BTF3L4: variants seen among roughly 807,000 people sequenced by gnomAD.
BTF3L4 encodes the protein basic transcription factor 3 like 4, also known as transcription factor BTF3 homolog 4.
A neutral mutation model predicts 16.8 loss-of-function variants in BTF3L4; 6 were observed. The observed-to-expected ratio is 0.36, with a 90% CI of 0.20 to 0.71. BTF3L4 has a LOEUF of 0.71. Among genes scored for constraint, BTF3L4 ranks in the 30% least tolerant of loss-of-function variants. The pLI is 0.58. For synonymous variants in BTF3L4, 39 were observed against 59.8 expected, an observed-to-expected ratio of 0.65 and a Z score of 1.60; for missense variants, 92 against 186.9, an observed-to-expected ratio of 0.49 and a Z score of 2.96.
At chr1:52,082,935 G>C (rs552247820) in intron 3 of BTF3L4, among the ~76,000 whole-genome samples, 1 of 152,014 alleles carries the variant, frequency 6.6e-6, no homozygotes, top group Non-Finnish European at 1.5e-5. Flanking sequence ...AGTCCCCTAA[G>C]TAAGATGCTA....
intron 4 of BTF3L4, 50 bp from the exon 5 acceptor site, chr1:52,086,062 C>A (rs199529812): frequency 5.4e-6 from 7 of 1,295,654 alleles, no homozygotes; most frequent in Non-Finnish European, 7.6e-6. Flanking sequence ...TATAAGTTTT[C>A]TTTAAGGTCT....
Position 52,086,664 on chromosome 1 carries a change from T to A in BTF3L4, c.431-48T>A, listed in dbSNP as rs1643975960. The A allele has an allele frequency of 3.9e-6, 5 of 1,278,512 alleles. No homozygotes were observed. The Admixed American group carries it at 1.1e-4, about 27-fold the overall frequency. The allele number at this position is 1,278,512 out of a possible 1,614,324, so 79.2% of individuals were successfully genotyped here. A position where few individuals can be genotyped will look rare whatever the true frequency, so the allele number is the denominator to read the frequency against. ...AGTTAGGAGTTCCATTTACCTCTTTTTCCTTTTTTGTATTCTTTGATTCAT... is the reference window on the plus strand; with the variant it reads ...AGTTAGGAGTTCCATTTACCTCTTTATCCTTTTTTGTATTCTTTGATTCAT... On this transcript the variant is annotated intron_variant, in intron 5 of 5. Transcript: ENST00000313334.
intron 3 of BTF3L4, chr1:52,065,536 G>A (rs1397762126): frequency 6.6e-6 from 1 of 152,078 alleles, no homozygotes; most frequent in South Asian, 2.1e-4. Flanking sequence ...AAAGTGCTGG[G>A]ATTACAGGTG....
At chr1:52,070,947 G>A (rs532877541) in intron 3 of BTF3L4, among the ~76,000 whole-genome samples, 2 of 152,178 alleles carry the variant, frequency 1.3e-5, no homozygotes, top group African/African-American at 4.8e-5. Context: ...CCAATAACCA[G>A]CTTTTTGAAA....
intron 3 of BTF3L4, among the ~76,000 whole-genome samples, chr1:52,066,002 C>T (rs1003269432): frequency 3.3e-5 from 5 of 152,024 alleles, no homozygotes; most frequent in African/African-American, 4.8e-5. Flanking sequence ...TGTGCCATTG[C>T]ACTCCAGCCT....
chr1:52,059,831 CT>C lies in BTF3L4; in HGVS notation c.-13-3del, dbSNP rs757623850. ...CTTTAACAAATCTATTTTTCCCCCC[CT>C]AGATTTACCAACAGCATGAATCAAG... On this transcript the variant is annotated splice_region_variant and splice_polypyrimidine_tract_variant and intron_variant, in intron 1 of 5. Coordinates refer to ENST00000313334, the MANE Select transcript of BTF3L4 (RefSeq NM_152265.5). 24 of 1,613,116 alleles carry C rather than the reference CT, an allele frequency of 1.5e-5. No homozygotes were observed. The African/African-American group carries it at 3.1e-4, about 21-fold the overall frequency.
chr1:52,079,965 G>A (rs530403237), intron 3 of BTF3L4, among the ~76,000 whole-genome samples: 7 of 148,182 alleles, frequency 4.7e-5, no homozygotes, highest in Non-Finnish European at 8.9e-5. Flanking sequence ...TCTTCCTCCC[G>A]GGTTCAAGCG....
chr1:52,080,519 G>GTT (rs753783341), intron 3 of BTF3L4, among the ~76,000 whole-genome samples: 32 of 70,244 alleles, frequency 4.6e-4, no homozygotes, highest in East Asian at 3.5e-3. Context: ...GGTTTTTTGG[G>GTT]TTTTTTTTTT....
At chr1:52,056,465 A>G (rs1686356704) in intron 1 of BTF3L4, 86 bp downstream of exon 1, 3 of 152,684 alleles carry the variant, frequency 2.0e-5, no homozygotes, top group Admixed American at 1.3e-4. Flanking sequence ...ACACCCGCCA[A>G]CCGCTCAGGC....
chr1:52,073,833 A>G (rs946982955), intron 3 of BTF3L4, among the ~76,000 whole-genome samples: 8 of 151,644 alleles, frequency 5.3e-5, no homozygotes, highest in Admixed American at 5.3e-4. Flanking sequence ...CCCCGTCTCT[A>G]CTAAAAATAC....
chr1:52,076,552 C>G (rs192105662), intron 3 of BTF3L4, among the ~76,000 whole-genome samples: 1 of 150,988 alleles, frequency 6.6e-6, no homozygotes, highest in Non-Finnish European at 1.5e-5. Context: ...CGAGATCGCA[C>G]CACTGCACTC....
intron 3 of BTF3L4, among the ~76,000 whole-genome samples, chr1:52,069,979 G>A (rs1261272911): frequency 6.6e-6 from 1 of 152,094 alleles, no homozygotes; most frequent in Non-Finnish European, 1.5e-5. Context: ...CACTTTGGGA[G>A]GCCAAAGCAG....
chr1:52,087,698 T>G lies in BTF3L4; in HGVS notation c.*940T>G, dbSNP rs981673336. 1 of 152,546 alleles carries G rather than the reference T, an allele frequency of 6.6e-6. No individual in the cohort carries two copies. Among genetic ancestry groups the G allele is most frequent in the Non-Finnish European group, 1.5e-5 (1 of 68,044 alleles). 9.4% of individuals were successfully genotyped at this position (152,546 alleles called of 1,614,324 possible). ...TTGCTAAATAATTTTATGCCAGCCTTATCCTGTATCCTAGCTGTTCTTAAC... is the reference window on the plus strand; with the variant it reads ...TTGCTAAATAATTTTATGCCAGCCTGATCCTGTATCCTAGCTGTTCTTAAC... On this transcript the variant is annotated 3_prime_UTR_variant, in exon 6 of 6. Coordinates refer to ENST00000313334, the MANE Select transcript of BTF3L4 (RefSeq NM_152265.5).
intron 2 of BTF3L4, chr1:52,060,314 A>T (rs1686477930): frequency 2.9e-6 from 1 of 348,928 alleles, no homozygotes; most frequent in South Asian, 2.8e-5. Context: ...GGTTAGACTC[A>T]CTTGCAGGGC....
chr1:52,074,195 T>G (rs1348412608), intron 3 of BTF3L4, among the ~76,000 whole-genome samples: 4 of 151,716 alleles, frequency 2.6e-5, no homozygotes, highest in Admixed American at 1.3e-4. Context: ...GTTTGGTTTT[T>G]TTTGTTTGTT....
chr1:52,061,398 GAAT>G (rs998198599), intron 2 of BTF3L4, among the ~76,000 whole-genome samples: 15 of 147,362 alleles, frequency 1.0e-4, no homozygotes, highest in African/African-American at 3.8e-4. Context: ...TGAGGCAGGA[GAAT>G]CACTTGAACC....
chr1:52,068,048 A>G (rs1686698354), intron 3 of BTF3L4, among the ~76,000 whole-genome samples: 1 of 152,214 alleles, frequency 6.6e-6, no homozygotes, highest in Non-Finnish European at 1.5e-5. Flanking sequence ...ACTGTGTAAT[A>G]TCTCCAAGGA....
At chr1:52,085,931 G>GATTA (rs112401816) in intron 4 of BTF3L4, among the ~76,000 whole-genome samples, 181 bp from the exon 5 acceptor site, 12,733 of 152,072 alleles carry the variant, frequency 0.084, 1,498 homozygotes, top group African/African-American at 0.26. Flanking sequence ...TGTATTAACT[G>GATTA]ATTAAAGTTT....
intron 1 of BTF3L4, among the ~76,000 whole-genome samples, chr1:52,057,162 G>A (rs1200560832): frequency 2.6e-5 from 4 of 152,252 alleles, no homozygotes; most frequent in African/African-American, 9.6e-5. Flanking sequence ...CCAACTGGTA[G>A]AACCTTGGTC....
Sources: allele counts gnomAD v4.1 joint callset (sites outside exome capture counted in the v4.1 genomes callset), GRCh38; gene constraint gnomAD v4.1.1; transcripts MANE v1.5; gene names NCBI Gene and HGNC (gene_info 2026-07-23, HGNC 2026-07-21).